Variants in ATG4D observed in about 807,000 individuals in gnomAD.
ATG4D encodes the protein cysteine protease ATG4D.
ATG4D carries 51 observed loss-of-function variants against 55.2 expected under a neutral mutation model. The ratio of observed to expected loss-of-function variants is 0.92; its 90% CI spans 0.74 to 1.17. ATG4D has a LOEUF of 1.17. Among genes scored for constraint, ATG4D ranks in the 50% most tolerant of loss-of-function variants. The pLI is 0.00. For synonymous variants in ATG4D, 268 were observed against 266.2 expected, an observed-to-expected ratio of 1.01 and a Z score of -0.07; for missense variants, 635 against 649.6, an observed-to-expected ratio of 0.98 and a Z score of 0.25.
At chr19:10,549,733 T>A (rs533596240) in intron 6 of ATG4D, among the ~76,000 whole-genome samples, 1 of 152,110 alleles carries the variant, frequency 6.6e-6, no homozygotes, top group East Asian at 1.9e-4. Flanking sequence ...CCTTCTTTTT[T>A]TATACTATGC....
rs370651826 is a variant in ATG4D at position 10,546,942 on chromosome 19, G to A, written c.597G>A (p.Trp199Ter). 1 of 1,611,868 alleles carries A rather than the reference G, an allele frequency of 6.2e-7. No homozygotes were observed. Among genetic ancestry groups the A allele is most frequent in the African/African-American group, 1.3e-5 (1 of 74,912 alleles). The part of the protein sequence containing the change: ...HGPARWMPPR[W>*]AQGAPELEQE... ...CTGCCCGCTGGATGCCCCCACGCTG[G>A]GCCCAGGGTGCCCCTGAGCTGGAGC... Residue 199 changes from tryptophan to a stop codon, truncating the protein, a stop_gained, in exon 4 of 10, where the codon TGG becomes TGA. Coordinates refer to ENST00000309469, the MANE Select transcript of ATG4D (RefSeq NM_032885.6). LOFTEE classifies it high-confidence loss of function.
chr19:10,544,179 G>C lies in ATG4D; in HGVS notation c.89G>C (p.Gly30Ala). The part of the protein sequence containing the change: ...RRRPEARRPR[G>A]PRGPDPNGLG... ...CGGCCCGAGGCCCGCAGGCCGCGGGGTCCCAGAGGCCCAGACCCCAACGGC... is the reference window on the plus strand; with the variant it reads ...CGGCCCGAGGCCCGCAGGCCGCGGGCTCCCAGAGGCCCAGACCCCAACGGC... The change falls in exon 1 of 10, where the codon GGT (glycine) becomes GCT (alanine). Residue 30 changes from glycine (G) to alanine (A), a missense_variant. Coordinates refer to ENST00000309469, the MANE Select transcript of ATG4D (RefSeq NM_032885.6). 3 of 1,246,078 alleles carry C rather than the reference G, an allele frequency of 2.4e-6. No individual in the cohort carries two copies. Among genetic ancestry groups the C allele is most frequent in the Non-Finnish European group, 3.0e-6 (3 of 987,858 alleles). 77.2% of individuals were successfully genotyped at this position (1,246,078 alleles called of 1,614,324 possible).
chr19:10,547,544 C>G (rs960160033), intron 5 of ATG4D, among the ~76,000 whole-genome samples: 1 of 142,956 alleles, frequency 7.0e-6, no homozygotes. Flanking sequence ...GGGAGGATTG[C>G]TTGAACCCAG....
chr19:10,544,361 G>A (rs1915964626), intron 1 of ATG4D, 36 bp downstream of exon 1: 4 of 1,292,684 alleles, frequency 3.1e-6, no homozygotes, highest in Admixed American at 3.4e-5. Flanking sequence ...GGGGTGTCGG[G>A]GGCCGTTGAG....
At chr19:10,546,688 A>G (rs1208171917) in intron 3 of ATG4D, 151 bp from the exon 4 acceptor site, 2 of 815,196 alleles carry the variant, frequency 2.5e-6, no homozygotes, top group African/African-American at 1.7e-5. Flanking sequence ...AAATAAATAA[A>G]TAAATAAGGA....
intron 3 of ATG4D, among the ~76,000 whole-genome samples, chr19:10,545,343 G>A (rs542893827): frequency 2.1e-4 from 31 of 148,782 alleles, no homozygotes; most frequent in Non-Finnish European, 3.9e-4. Context: ...AGGCTGAGGC[G>A]GATGGATCCC....
chr19:10,544,874 G>T lies in ATG4D; in HGVS notation c.319+8G>T. Reference sequence around the variant, plus strand: ...ACCGTTTCGAGGGCGAGGGTGAGCTGGTGGTTGGGACCAGGGCTGGGGGAG... The same window carrying T: ...ACCGTTTCGAGGGCGAGGGTGAGCTTGTGGTTGGGACCAGGGCTGGGGGAG... On this transcript the variant is annotated splice_region_variant and intron_variant, in intron 2 of 9. Transcript: ENST00000309469. 1 of 1,606,828 alleles carries T rather than the reference G, an allele frequency of 6.2e-7. No homozygotes were observed. The highest frequency in any genetic ancestry group is 8.5e-7 in the Non-Finnish European group (1 of 1,175,798).
Position 10,551,990 on chromosome 19 carries a change from T to G in ATG4D, c.1045+15T>G. 1.5e-5 allele frequency: 14 copies of G among 906,590 alleles called. No homozygotes were observed. Among genetic ancestry groups the G allele is most frequent in the Non-Finnish European group, 2.0e-5 (13 of 660,388 alleles). The allele number at this position is 906,590 out of a possible 1,614,324, so 56.2% of individuals were successfully genotyped here. A position where few individuals can be genotyped will look rare whatever the true frequency, so the allele number is the denominator to read the frequency against. ...TGGCTACCAAGGTAGGCCCACCCCC[T>G]CCTCACTCCTCCCACCCCCCACCGC... On this transcript the variant is annotated intron_variant, in intron 7 of 9. Transcript: ENST00000309469.
rs1916258384 is a variant in ATG4D at position 10,551,934 on chromosome 19, G to A, written c.1004G>A (p.Gly335Asp). 2 of 1,613,908 alleles carry A rather than the reference G, an allele frequency of 1.2e-6. No homozygotes were observed. The highest frequency in any genetic ancestry group is 1.7e-6 in the Non-Finnish European group (2 of 1,180,006). Residue 335 changes from glycine to aspartate, a missense_variant, in exon 7 of 10, where the codon GGT becomes GAT. Coordinates refer to ENST00000309469, the MANE Select transcript of ATG4D (RefSeq NM_032885.6). Reference protein sequence around the residue: ...LRCELCLGIMGGKPRHSLYFI... With the variant: ...LRCELCLGIMDGKPRHSLYFI... ...TGCGAGCTGTGCCTGGGCATCATGG[G>A]TGGGAAACCGCGACACTCACTGTAC... is the stretch of plus-strand genomic sequence containing the variant.
At position 10,552,254 on chromosome 19, in the gene ATG4D, C is replaced by G. The variant is rs1220208321; in HGVS notation, c.1172C>G (p.Pro391Arg). Residue 391 changes from proline to arginine, a missense_variant, in exon 9 of 10, where the codon CCA becomes CGA. Physicochemically the swap from Pro to Arg is moderately radical, Grantham distance 103. Coordinates refer to ENST00000309469, the MANE Select transcript of ATG4D (RefSeq NM_032885.6). ...AAGATGGCCTTTGCCAAGATGGACC[C>G]AAGCTGTACCGTGGGCTTCTATGCT... ...PRKMAFAKMDPSCTVGFYAGD... is the reference protein window; with the variant it reads ...PRKMAFAKMDRSCTVGFYAGD... 11 of 1,613,556 alleles carry G rather than the reference C, an allele frequency of 6.8e-6. No homozygotes were observed. The highest frequency in any genetic ancestry group is 8.5e-6 in the Non-Finnish European group (10 of 1,180,020).
In ATG4D at chr19:10,544,057, A is replaced by C; in HGVS notation, c.-34A>C. 1 of 1,221,740 alleles carries C rather than the reference A, an allele frequency of 8.2e-7. No individual in the cohort carries two copies. Among genetic ancestry groups the C allele is most frequent in the Non-Finnish European group, 1.0e-6 (1 of 976,488 alleles). 75.7% of individuals were successfully genotyped at this position (1,221,740 alleles called of 1,614,324 possible). ...TGGGGGGCAGCGGCCGCAGCCCCCC[A>C]CCTGGGCCCTCGGTCCGCCCTCCCG... On this transcript the variant is annotated 5_prime_UTR_variant, in exon 1 of 10. Transcript: ENST00000309469.
rs899254556 is a variant in ATG4D, at chr19:10,548,953, C to T, written c.885C>T (p.Ala295=). The stretch of plus-strand genomic sequence containing the variant: ...TGGTGGCCAGGCCAGACCCCACAGC[C>T]GAGTGGAAGTCTGTGGTCATCCTGG... ...ARLVARPDPT[A]EWKSVVILVP... The change falls in exon 6 of 10, where the codon GCC becomes GCT. Residue 295 remains alanine, a synonymous_variant. Transcript: ENST00000309469. 7.4e-6 allele frequency: 12 copies of T among 1,613,922 alleles called. No individual in the cohort carries two copies. The highest frequency in any genetic ancestry group is 1.6e-4 in the Middle Eastern group (1 of 6,084).
chr19:10,552,822 C>G, intron 9 of ATG4D, 63 bp from the exon 10 acceptor site: 1 of 1,513,454 alleles, frequency 6.6e-7, no homozygotes, highest in Non-Finnish European at 8.9e-7. Flanking sequence ...ACTAAATAAA[C>G]CTGGGCTAAG....
intron 5 of ATG4D, 37 bp from the exon 6 acceptor site, chr19:10,548,867 G>A: frequency 1.9e-6 from 3 of 1,605,828 alleles, no homozygotes; most frequent in Non-Finnish European, 8.5e-7. Context: ...CTTGAAGGGT[G>A]GCAAGAAGGT....
rs1323601525 is a variant in ATG4D, at chr19:10,547,052, G to A, written c.707G>A (p.Gly236Glu). The part of the protein sequence containing the change: ...PFGLHRLVEL[G>E]QSSGKKAGDW... Reference sequence around the variant, plus strand: ...GGCCTACACCGGCTGGTGGAGCTTGGGCAGAGCTCAGGCAAGAAGGCAGGT... The same window carrying A: ...GGCCTACACCGGCTGGTGGAGCTTGAGCAGAGCTCAGGCAAGAAGGCAGGT... Residue 236 changes from glycine (G) to glutamate (E), a missense_variant, in exon 4 of 10, where the codon GGG (glycine) becomes GAG (glutamate). Transcript: ENST00000309469. 3 of 1,587,022 alleles carry A rather than the reference G, an allele frequency of 1.9e-6. No homozygotes were observed. Among genetic ancestry groups the A allele is most frequent in the Admixed American group, 1.9e-5 (1 of 53,232 alleles).
intron 5 of ATG4D, 29 bp downstream of exon 5, chr19:10,547,282 G>A: frequency 6.2e-7 from 1 of 1,606,122 alleles, no homozygotes; most frequent in Non-Finnish European, 8.5e-7. Context: ...AGATCACAGG[G>A]GCCCCACCCT....
chr19:10,544,874 G>A lies in ATG4D; in HGVS notation c.319+8G>A. On this transcript the variant is annotated splice_region_variant and intron_variant, in intron 2 of 9. Transcript: ENST00000309469. The stretch of plus-strand genomic sequence containing the variant: ...ACCGTTTCGAGGGCGAGGGTGAGCT[G>A]GTGGTTGGGACCAGGGCTGGGGGAG... 6.2e-7 allele frequency: 1 copy of A among 1,606,828 alleles called. No individual in the cohort carries two copies.
chr19:10,546,132 G>A (rs577130363), intron 3 of ATG4D, among the ~76,000 whole-genome samples: 17 of 152,078 alleles, frequency 1.1e-4, no homozygotes, highest in African/African-American at 4.1e-4. Context: ...ACCAGCCTAG[G>A]CCACATGACA....
Position 10,553,194 on chromosome 19 carries a change from A to T in ATG4D, c.*127A>T. 8.2e-7 allele frequency: 1 copy of T among 1,220,348 alleles called. No individual in the cohort carries two copies. Among genetic ancestry groups the T allele is most frequent in the Non-Finnish European group, 1.1e-6 (1 of 896,594 alleles). 75.6% of individuals were successfully genotyped at this position (1,220,348 alleles called of 1,614,324 possible). A position where few individuals can be genotyped will look rare whatever the true frequency, so the allele number is the denominator to read the frequency against. On this transcript the variant is annotated 3_prime_UTR_variant, in exon 10 of 10. Coordinates refer to ENST00000309469, the MANE Select transcript of ATG4D (RefSeq NM_032885.6). The stretch of plus-strand genomic sequence containing the variant: ...TTGTCAGCCCCTCAAGCCCAGCTGC[A>T]ACCAGTCTGGGGCCATTCAGCCAGG...
Sources: gnomAD v4.1 joint callset for allele counts (sites outside exome capture counted in the v4.1 genomes callset) on GRCh38, gnomAD v4.1.1 for gene constraint, MANE v1.5 for transcripts, NCBI Gene and HGNC (gene_info 2026-07-23, HGNC 2026-07-21) for gene names.